The following CCNT2 variants were observed in gnomAD, a reference collection of about 807,000 sequenced individuals.
CCNT2 encodes the protein cyclin-T2.
Under a neutral mutation model 70.0 loss-of-function variants are expected in CCNT2, and 18 were observed. That is an observed-to-expected ratio of 0.26 (90% CI 0.18 to 0.38). The LOEUF (loss-of-function observed/expected upper bound fraction) is 0.38, where lower values mean the gene tolerates loss of function less well. Among genes scored for constraint, CCNT2 ranks in the 10% least tolerant of loss-of-function variants. The probability of loss-of-function intolerance (pLI) is 1.00; values close to 1 mark genes in which losing one functional copy is unlikely to be tolerated. For missense variants in CCNT2, 734 were observed against 890.2 expected, an observed-to-expected ratio of 0.82 and a Z score of 2.23; for synonymous variants, 334 against 313.3, an observed-to-expected ratio of 1.07 and a Z score of -0.70.
At chr2:134,947,949 T>A in intron 7 of CCNT2, 50 bp downstream of exon 7, 1 of 1,083,566 alleles carries the variant, frequency 9.2e-7, no homozygotes, top group Non-Finnish European at 1.3e-6. Flanking sequence ...AAGTTGGCAG[T>A]TGTCTGAATT....
In CCNT2 at chr2:134,918,905, G is replaced by A. The variant is rs1471366325; in HGVS notation, c.51G>A (p.Gln17=). 2 of 1,614,058 alleles carry A rather than the reference G, an allele frequency of 1.2e-6. No individual in the cohort carries two copies. Among genetic ancestry groups the A allele is most frequent in the South Asian group, 1.1e-5 (1 of 91,074 alleles). ...ASSRWFFTRE[Q]LENTPSRRCG... ...CTCGCTGGTTCTTTACTCGGGAACA[G>A]CTGGAGAACACGCCGAGCCGCCGCT... The change falls in exon 1 of 9, where the codon CAG becomes CAA. Residue 17 remains glutamine (Q), a synonymous_variant. Transcript: ENST00000264157.
chr2:134,943,026 G>A, intron 5 of CCNT2: 2 of 985,252 alleles, frequency 2.0e-6, no homozygotes, highest in Middle Eastern at 5.2e-4. Flanking sequence ...TTGGGTTTGT[G>A]TCAAACTTTG....
chr2:134,934,142 A>C (rs1439356157), intron 2 of CCNT2, among the ~76,000 whole-genome samples: 1 of 152,250 alleles, frequency 6.6e-6, no homozygotes, highest in Non-Finnish European at 1.5e-5. Flanking sequence ...TAGAGTAACA[A>C]ACTCATGACA....
At chr2:134,921,225 A>T (rs998870138) in intron 2 of CCNT2, among the ~76,000 whole-genome samples, 2 of 152,248 alleles carry the variant, frequency 1.3e-5, no homozygotes, top group Non-Finnish European at 2.9e-5. Context: ...ATAATGGTAG[A>T]AATTACAAAT....
intron 2 of CCNT2, among the ~76,000 whole-genome samples, chr2:134,926,046 G>A (rs1488852944): frequency 6.6e-6 from 1 of 151,088 alleles, no homozygotes; most frequent in Non-Finnish European, 1.5e-5. Flanking sequence ...TTAATTTTTT[G>A]TAGAGACAGG....
intron 2 of CCNT2, among the ~76,000 whole-genome samples, chr2:134,931,260 A>ATTTTTTTTT (rs1351628226): frequency 2.3e-5 from 1 of 42,944 alleles, no homozygotes. Flanking sequence ...CCATGCCCGG[A>ATTTTTTTTT]TCTTTTTTTT....
intron 8 of CCNT2, chr2:134,953,005 G>C (rs1682639169): frequency 2.0e-6 from 1 of 493,260 alleles, no homozygotes; most frequent in African/African-American, 2.0e-5. Flanking sequence ...TGCTGGGCTA[G>C]GATTTAACTT....
intron 2 of CCNT2, among the ~76,000 whole-genome samples, chr2:134,931,805 G>A (rs1448353255): frequency 6.6e-6 from 1 of 152,028 alleles, no homozygotes; most frequent in Non-Finnish European, 1.5e-5. Context: ...TCACTCTGTT[G>A]CTCAGGCTAG....
Position 134,918,843 on chromosome 2 carries a change from G to C in CCNT2, c.-12G>C. The C allele has an allele frequency of 3.1e-6, 5 of 1,610,108 alleles. No homozygotes were observed. Among genetic ancestry groups the C allele is most frequent in the Non-Finnish European group, 4.2e-6 (5 of 1,177,514 alleles). Reference sequence around the variant, plus strand: ...GGGGGTGAATGAAGGAGCGGGCGGAGGAGGAAGTGTCATGGCGTCGGGCCG... The same window carrying C: ...GGGGGTGAATGAAGGAGCGGGCGGACGAGGAAGTGTCATGGCGTCGGGCCG... On this transcript the variant is annotated 5_prime_UTR_variant, in exon 1 of 9. Transcript: ENST00000264157.
At chr2:134,947,667 A>AAC in intron 6 of CCNT2, 69 bp from the exon 7 acceptor site, 2 of 1,201,928 alleles carry the variant, frequency 1.7e-6, no homozygotes, top group Non-Finnish European at 2.2e-6. Flanking sequence ...TCTTACTGGT[A>AAC]AATGTTTTTC....
rs1294373391 is a variant in CCNT2, at chr2:134,959,117, T to G, written c.*4469T>G. 1 of 152,230 alleles carries G rather than the reference T, an allele frequency of 6.6e-6. No homozygotes were observed. Among genetic ancestry groups the G allele is most frequent in the Non-Finnish European group, 1.5e-5 (1 of 68,044 alleles). 9.4% of individuals were successfully genotyped at this position (152,230 alleles called of 1,614,324 possible). On this transcript the variant is annotated 3_prime_UTR_variant, in exon 9 of 9. Transcript: ENST00000264157. The stretch of plus-strand genomic sequence containing the variant: ...TTCTTAATTTTAAGGTATGTTTTTT[T>G]CAAGCAGCTTCATTTTATTAGGAAA...
chr2:134,940,139 G>T (rs1681462575), intron 4 of CCNT2, among the ~76,000 whole-genome samples: 1 of 152,164 alleles, frequency 6.6e-6, no homozygotes, highest in Non-Finnish European at 1.5e-5. Context: ...CCCAGATGTT[G>T]AATAGAAGTG....
At chr2:134,926,025 A>G (rs546314272) in intron 2 of CCNT2, among the ~76,000 whole-genome samples, 155 of 141,244 alleles carry the variant, frequency 1.1e-3, no homozygotes, top group African/African-American at 4.0e-3. Context: ...GCCACCACAC[A>G]GTTAATTTTT....
intron 2 of CCNT2, among the ~76,000 whole-genome samples, chr2:134,928,124 C>T (rs756582582): frequency 6.6e-6 from 1 of 151,410 alleles, no homozygotes; most frequent in African/African-American, 2.4e-5. Flanking sequence ...GCATGTGCCA[C>T]CACACCTGGC....
In CCNT2 at chr2:134,954,015, A is replaced by T; in HGVS notation, c.1560A>T (p.Lys520Asn). Reference sequence around the variant, plus strand: ...CACCCACTGATAAAAGCGCCAGTAAAGAAGAACTGAAAATGAAAATAAAAG... The same window carrying T: ...CACCCACTGATAAAAGCGCCAGTAATGAAGAACTGAAAATGAAAATAAAAG... ...PIPPTDKSAS[K>N]EELKMKIKVS... The change falls in exon 9 of 9, where the codon AAA becomes AAT. Residue 520 changes from lysine (K) to asparagine (N), a missense_variant. Around this residue, in one of 3 missense-constraint regions of CCNT2, gnomAD observed 532 missense variants for 556.9 expected, o/e 0.96. Transcript: ENST00000264157. The T allele has an allele frequency of 6.2e-7, 1 of 1,614,216 alleles. No homozygotes were observed. Among genetic ancestry groups the T allele is most frequent in the Non-Finnish European group, 8.5e-7 (1 of 1,180,034 alleles).
At chr2:134,938,948 G>A (rs535931114) in intron 3 of CCNT2, 54 bp from the exon 4 acceptor site, 3 of 1,113,114 alleles carry the variant, frequency 2.7e-6, no homozygotes, top group African/African-American at 3.1e-5. Flanking sequence ...CAGTCATGCA[G>A]TCTAGTAATG....
intron 7 of CCNT2, among the ~76,000 whole-genome samples, chr2:134,949,804 G>GGT (rs1553525581): frequency 1.5e-5 from 2 of 137,612 alleles, no homozygotes; most frequent in Admixed American, 7.2e-5. Flanking sequence ...TTTTTTTTCG[G>GGT]GGGGGGGGTG....
chr2:134,946,350 GGT>G, intron 6 of CCNT2: 1 of 1,199,968 alleles, frequency 8.3e-7, no homozygotes, highest in Non-Finnish European at 1.1e-6. Flanking sequence ...GAAGTGTAGT[GGT>G]GCTTTCTGAT....
Position 134,955,881 on chromosome 2 carries a change from C to G in CCNT2, c.*1233C>G, listed in dbSNP as rs887133394. The G allele has an allele frequency of 2.0e-5, 3 of 152,606 alleles. No individual in the cohort carries two copies. Among genetic ancestry groups the G allele is most frequent in the African/African-American group, 7.2e-5 (3 of 41,440 alleles). The allele number at this position is 152,606 out of a possible 1,614,324, so 9.5% of individuals were successfully genotyped here. A position where few individuals can be genotyped will look rare whatever the true frequency, so the allele number is the denominator to read the frequency against. On this transcript the variant is annotated 3_prime_UTR_variant, in exon 9 of 9. Transcript: ENST00000264157. ...TATAGTTTATGGTTATCAGGAAGCT[C>G]TGTAAGAAAGAAAAGGTCAGCCTCC...
Sources: allele counts gnomAD v4.1 joint callset (sites outside exome capture counted in the v4.1 genomes callset), GRCh38; gene constraint gnomAD v4.1.1; regional missense constraint gnomAD v4.1.1; transcripts MANE v1.5; gene names NCBI Gene and HGNC (gene_info 2026-07-23, HGNC 2026-07-21).